The following RTL4 variants were observed in gnomAD, a reference collection of about 807,000 sequenced individuals.
RTL4 encodes retrotransposon Gag like 4.
RTL4 carries 4 observed loss-of-function variants against 5.3 expected under a neutral mutation model. That is an observed-to-expected ratio of 0.75 (90% CI 0.37 to 1.72). RTL4 has a LOEUF of 1.72. RTL4 is among the 40% of genes most tolerant of loss of function. The probability of loss-of-function intolerance (pLI) is 0.04; values close to 1 mark genes in which losing one functional copy is unlikely to be tolerated. For missense variants in RTL4, 260 were observed against 227.1 expected, an observed-to-expected ratio of 1.14 and a Z score of -0.93; for synonymous variants, 98 against 87.3, an observed-to-expected ratio of 1.12 and a Z score of -0.68.
chrX:112,351,803 G>T, the RTL4 span, among the ~76,000 whole-genome samples: 2 of 111,078 alleles, frequency 1.8e-5, no homozygotes, highest in Non-Finnish European at 3.8e-5. Context: ...CACACTGATG[G>T]GTCTTGACTC....
At chrX:112,390,512 T>C in the RTL4 span, among the ~76,000 whole-genome samples, 1 of 110,150 alleles carries the variant, frequency 9.1e-6, no homozygotes, top group African/African-American at 3.3e-5. Flanking sequence ...TCCTGCAACA[T>C]TTGCTTGTCT....
the RTL4 span, among the ~76,000 whole-genome samples, chrX:112,334,328 G>C: frequency 4.5e-5 from 5 of 111,968 alleles, no homozygotes; most frequent in Non-Finnish European, 9.4e-5. Context: ...CAGTGGGATT[G>C]CTAGATCAGA....
At chrX:112,191,461 G>A in the RTL4 span, among the ~76,000 whole-genome samples, 1 of 111,174 alleles carries the variant, frequency 9.0e-6, no homozygotes, top group Admixed American at 9.6e-5. Flanking sequence ...GGCTTTGTTG[G>A]CATCCTAGGG....
chrX:112,104,779 T>A, the RTL4 span, among the ~76,000 whole-genome samples: 1 of 111,921 alleles, frequency 8.9e-6, no homozygotes, highest in Non-Finnish European at 1.9e-5. Flanking sequence ...TTGAGTTTCT[T>A]ATATATCTTG....
At chrX:112,177,213 A>G in the RTL4 span, among the ~76,000 whole-genome samples, 2 of 111,273 alleles carry the variant, frequency 1.8e-5, no homozygotes, top group Non-Finnish European at 3.8e-5. Context: ...CAGCAGTGGC[A>G]TTGCTGGATC....
At chrX:112,356,374 C>T in the RTL4 span, among the ~76,000 whole-genome samples, 2 of 111,310 alleles carry the variant, frequency 1.8e-5, no homozygotes, top group Non-Finnish European at 3.8e-5. Context: ...CATCCTTTGC[C>T]TTAGTGCTGG....
the RTL4 span, among the ~76,000 whole-genome samples, chrX:112,239,580 C>T: frequency 9.0e-6 from 1 of 110,908 alleles, no homozygotes; most frequent in Non-Finnish European, 1.9e-5. Context: ...GAGAATTGGC[C>T]CTCTATTTTA....
At chrX:112,163,236 G>A in the RTL4 span, among the ~76,000 whole-genome samples, 142 of 111,967 alleles carry the variant, frequency 1.3e-3, no homozygotes, top group African/African-American at 4.4e-3. Flanking sequence ...GCTCTGTCAA[G>A]CTCTTGACTT....
chrX:112,244,210 G>A, the RTL4 span, among the ~76,000 whole-genome samples: 1 of 111,705 alleles, frequency 9.0e-6, no homozygotes, highest in Non-Finnish European at 1.9e-5. Flanking sequence ...TGTCTATTAG[G>A]TCTGCTTGGT....
the RTL4 span, among the ~76,000 whole-genome samples, chrX:112,421,694 T>G: frequency 7.3e-4 from 82 of 112,230 alleles, no homozygotes; most frequent in Non-Finnish European, 7.0e-4. Context: ...ACACCCCTTC[T>G]TGAGCACACA....
the RTL4 span, among the ~76,000 whole-genome samples, chrX:112,152,495 C>A: frequency 2.7e-5 from 3 of 111,472 alleles, no homozygotes; most frequent in African/African-American, 9.8e-5. Context: ...TAGTGCCTGG[C>A]CCATCATAGC....
At chrX:112,431,229 A>C in the RTL4 span, among the ~76,000 whole-genome samples, 35 of 104,981 alleles carry the variant, frequency 3.3e-4, no homozygotes, top group Non-Finnish European at 5.3e-4. Flanking sequence ...AGGCTTTGGT[A>C]CAACCCTAGC....
At chrX:112,277,702 C>A in the RTL4 span, among the ~76,000 whole-genome samples, 4 of 111,812 alleles carry the variant, frequency 3.6e-5, no homozygotes, top group African/African-American at 9.8e-5. Context: ...TGCTCACTTA[C>A]TCCATGCTTC....
At chrX:112,329,360 A>G in the RTL4 span, among the ~76,000 whole-genome samples, 11 of 111,963 alleles carry the variant, frequency 9.8e-5, no homozygotes, top group Admixed American at 9.5e-4. Flanking sequence ...ACAAACTACC[A>G]TGACAGAATA....
the RTL4 span, among the ~76,000 whole-genome samples, chrX:112,123,952 A>G: frequency 7.0e-3 from 782 of 111,714 alleles, 3 homozygotes; most frequent in Admixed American, 0.013. Context: ...CAAAGGTCTA[A>G]TATCCAGAAT....
chrX:112,242,492 C>A, the RTL4 span, among the ~76,000 whole-genome samples: 16 of 111,437 alleles, frequency 1.4e-4, no homozygotes, highest in African/African-American at 4.2e-4. Flanking sequence ...ATTTGGCACT[C>A]TGTTTGTCTG....
At chrX:112,234,288 A>G in the RTL4 span, among the ~76,000 whole-genome samples, 1 of 111,909 alleles carries the variant, frequency 8.9e-6, no homozygotes, top group Non-Finnish European at 1.9e-5. Flanking sequence ...TATCTTCTGT[A>G]ACTTAAAGGC....
chrX:112,229,337 G>C, the RTL4 span, among the ~76,000 whole-genome samples: 2 of 112,037 alleles, frequency 1.8e-5, no homozygotes, highest in Non-Finnish European at 3.8e-5. Context: ...CCTCCCAACA[G>C]CCCTATTCAA....
chrX:112,212,340 C>T, the RTL4 span, among the ~76,000 whole-genome samples: 4 of 111,385 alleles, frequency 3.6e-5, no homozygotes, highest in Admixed American at 1.9e-4. Context: ...CGCGCCACTG[C>T]ACTCCAGCCT....
Sources: gnomAD v4.1 joint callset for allele counts (sites outside exome capture counted in the v4.1 genomes callset) on GRCh38, gnomAD v4.1.1 for gene constraint, MANE v1.5 for transcripts, NCBI Gene and HGNC (gene_info 2026-07-23, HGNC 2026-07-21) for gene names.